CRB1: variants seen among roughly 807,000 people sequenced by gnomAD.
CRB1 encodes protein crumbs homolog 1.
CRB1 carries 83 observed loss-of-function variants against 120.0 expected under a neutral mutation model. The observed-to-expected ratio is 0.69, with a 90% CI of 0.58 to 0.83. The LOEUF is 0.83. CRB1 is among the 40% of genes least tolerant of loss of function. The pLI, the probability that CRB1 is intolerant of heterozygous loss-of-function variation, is 0.00. For missense variants in CRB1, 1,699 were observed against 1,687.6 expected, an observed-to-expected ratio of 1.01 and a Z score of -0.12; for synonymous variants, 625 against 612.5, an observed-to-expected ratio of 1.02 and a Z score of -0.30.
chr1:197,425,232 G>T (rs1283995885), intron 6 of CRB1, among the ~76,000 whole-genome samples: 1 of 152,070 alleles, frequency 6.6e-6, no homozygotes, highest in African/African-American at 2.4e-5. Context: ...CTCTTCAAAG[G>T]GGTTATTTTA....
At chr1:197,471,652 C>A (rs1666983635) in intron 11 of CRB1, among the ~76,000 whole-genome samples, 1 of 152,172 alleles carries the variant, frequency 6.6e-6, no homozygotes, top group African/African-American at 2.4e-5. Flanking sequence ...TTCCCGAGTT[C>A]TCTCTTTTGG....
the CRB1 span, among the ~76,000 whole-genome samples, chr1:197,206,321 T>G: frequency 1.3e-4 from 18 of 137,832 alleles, no homozygotes; most frequent in Admixed American, 1.3e-3. Context: ...TCTTGTTTCT[T>G]TAGTTCCTTG....
the CRB1 span, among the ~76,000 whole-genome samples, chr1:197,242,613 A>G: frequency 2.0e-5 from 3 of 152,264 alleles, no homozygotes; most frequent in South Asian, 6.2e-4. Context: ...ATTGATGTTC[A>G]TCAGAGATAT....
intron 5 of CRB1, among the ~76,000 whole-genome samples, chr1:197,359,728 G>C (rs1029699589): frequency 6.6e-6 from 1 of 152,110 alleles, no homozygotes; most frequent in Non-Finnish European, 1.5e-5. Context: ...ATGTACGAGT[G>C]ATCCAATTTC....
intron 7 of CRB1, chr1:197,429,170 A>G: frequency 2.0e-6 from 3 of 1,529,576 alleles, no homozygotes; most frequent in Admixed American, 2.0e-5. Flanking sequence ...TAATTTGTAA[A>G]TTACAGAGGA....
At chr1:197,455,273 C>T (rs996344129) in intron 11 of CRB1, among the ~76,000 whole-genome samples, 5 of 152,114 alleles carry the variant, frequency 3.3e-5, no homozygotes, top group Non-Finnish European at 7.4e-5. Context: ...ATGTTCCAAA[C>T]CAATTAACTG....
At chr1:197,310,160 A>G (rs890073104) in intron 1 of CRB1, among the ~76,000 whole-genome samples, 4 of 152,228 alleles carry the variant, frequency 2.6e-5, no homozygotes, top group African/African-American at 9.6e-5. Context: ...AGAAGACACT[A>G]CATTATTGAA....
chr1:197,234,280 CTAGTT>C, the CRB1 span, among the ~76,000 whole-genome samples: 1 of 152,168 alleles, frequency 6.6e-6, no homozygotes, highest in Non-Finnish European at 1.5e-5. Flanking sequence ...ACTCTGGAGA[CTAGTT>C]TATAAAAGGC....
At chr1:197,440,579 G>T (rs745426526) in intron 10 of CRB1, 1 of 152,170 alleles carries the variant, frequency 6.6e-6, no homozygotes, top group African/African-American at 2.4e-5. Flanking sequence ...AAATGCCAAT[G>T]ATGCTGATAA....
chr1:197,252,564 A>G, the CRB1 span, among the ~76,000 whole-genome samples: 1 of 43,708 alleles, frequency 2.3e-5, no homozygotes, highest in South Asian at 9.7e-4. Flanking sequence ...ATATATATAT[A>G]TATATATATA....
At position 197,344,370 on chromosome 1, in the gene CRB1, T is replaced by A. The variant is rs769980214; in HGVS notation, c.742T>A (p.Cys248Ser). ...TCAGGATGCTCTGGGGGCCTATTTC[T>A]GCGACTGTGCCCCTGGATTCCTGGG... ...TCQDALGAYF[C>S]DCAPGFLGDH... Residue 248 changes from cysteine (C) to serine (S), a missense_variant, in exon 3 of 12, where the codon TGC becomes AGC. Coordinates refer to ENST00000367400, the MANE Select transcript of CRB1 (RefSeq NM_201253.3). 1 of 1,614,160 alleles carries A rather than the reference T, an allele frequency of 6.2e-7. No individual in the cohort carries two copies. The highest frequency in any genetic ancestry group is 1.7e-5 in the Admixed American group (1 of 60,012).
chr1:197,346,382 T>A (rs2125331593), intron 3 of CRB1, among the ~76,000 whole-genome samples: 1 of 152,292 alleles, frequency 6.6e-6, no homozygotes, highest in East Asian at 1.9e-4. Flanking sequence ...AGCCAAGCCC[T>A]TTGGCAACAG....
intron 1 of CRB1, among the ~76,000 whole-genome samples, chr1:197,289,819 CT>C (rs1172678394): frequency 6.6e-6 from 1 of 151,324 alleles, no homozygotes; most frequent in Non-Finnish European, 1.5e-5. Flanking sequence ...TGGACCTATT[CT>C]TTTTTATATA....
intron 4 of CRB1, among the ~76,000 whole-genome samples, chr1:197,354,434 T>G (rs894375556): frequency 6.6e-6 from 1 of 152,110 alleles, no homozygotes; most frequent in Non-Finnish European, 1.5e-5. Context: ...AAAGATGGGG[T>G]GTCCGCAGTC....
rs189328011 is a variant in CRB1 at position 197,369,564 on chromosome 1, A to G, written c.1171+12551A>G. 2.6e-4 allele frequency among the ~76,000 whole-genome samples: 39 copies of G among 152,304 alleles called. No homozygotes were observed. The East Asian group carries it at 6.6e-3, about 26-fold the overall frequency. ...ACTACCCCCTTAGTCATTACTTAGG[A>G]AACAATTAATTTCTGAAGAAGCTAT... On this transcript the variant is annotated intron_variant, in intron 5 of 11. Transcript: ENST00000367400.
the CRB1 span, among the ~76,000 whole-genome samples, chr1:197,204,181 C>A: frequency 6.6e-6 from 1 of 152,206 alleles, no homozygotes; most frequent in African/African-American, 2.4e-5. Context: ...ATTTCTTTAT[C>A]TGCTCATTGA....
the CRB1 span, among the ~76,000 whole-genome samples, chr1:197,244,507 T>G: frequency 5.9e-5 from 9 of 152,080 alleles, no homozygotes; most frequent in Non-Finnish European, 1.2e-4. Context: ...ACCTCCACAA[T>G]TTCTGATGAG....
the CRB1 span, among the ~76,000 whole-genome samples, chr1:197,220,318 G>A: frequency 1.5e-4 from 23 of 152,122 alleles, no homozygotes; most frequent in Non-Finnish European, 5.9e-5. Context: ...GTAAAAAGAT[G>A]TATAAACAAG....
intron 6 of CRB1, among the ~76,000 whole-genome samples, chr1:197,427,246 TTAAAG>T (rs1219620064): frequency 1.3e-5 from 2 of 152,186 alleles, no homozygotes; most frequent in Non-Finnish European, 2.9e-5. Context: ...TATTTTAGGG[TTAAAG>T]TAAACTCAGA....
Sources: allele counts gnomAD v4.1 joint callset (sites outside exome capture counted in the v4.1 genomes callset), GRCh38; gene constraint gnomAD v4.1.1; transcripts MANE v1.5; gene names NCBI Gene and HGNC (gene_info 2026-07-23, HGNC 2026-07-21).